Variants in HIP1 observed in about 807,000 individuals in gnomAD.
The protein encoded by HIP1 is huntingtin interacting protein 1.
A neutral mutation model predicts 147.6 loss-of-function variants in HIP1; 65 were observed. The ratio of observed to expected loss-of-function variants is 0.44; its 90% CI spans 0.36 to 0.54. The LOEUF is 0.54. HIP1 is among the 20% of genes least tolerant of loss of function. The pLI, the probability that HIP1 is intolerant of heterozygous loss-of-function variation, is 0.00. For synonymous variants in HIP1, 479 were observed against 504.0 expected, an observed-to-expected ratio of 0.95 and a Z score of 0.67; for missense variants, 1,061 against 1,299.6, an observed-to-expected ratio of 0.82 and a Z score of 2.82.
chr7:75,659,794 A>G (rs1304839295), intron 1 of HIP1, among the ~76,000 whole-genome samples: 2 of 152,162 alleles, frequency 1.3e-5, no homozygotes, highest in African/African-American at 4.8e-5. Flanking sequence ...GGTACCCACC[A>G]TATGCGAGCA....
In HIP1 at chr7:75,553,996, C is replaced by T. The variant is rs587677412; in HGVS notation, c.2158+117G>A. ...CCGACCTCAAGTGATCTGCCCGCCT[C>T]AGCCTCCCAAAGTGCTGGAGTTACA... On this transcript the variant is annotated intron_variant, in intron 21 of 30. Coordinates refer to ENST00000336926, the MANE Select transcript of HIP1 (RefSeq NM_005338.7). 57 of 702,664 alleles carry T rather than the reference C, an allele frequency of 8.1e-5. No homozygotes were observed. The Middle Eastern group carries it at 1.2e-3, about 14-fold the overall frequency. 43.5% of individuals were successfully genotyped at this position (702,664 alleles called of 1,614,324 possible).
At chr7:75,580,903 G>A (rs782187507) in intron 7 of HIP1, among the ~76,000 whole-genome samples, 9 of 152,160 alleles carry the variant, frequency 5.9e-5, no homozygotes, top group African/African-American at 1.7e-4. Flanking sequence ...CACCATGCCC[G>A]GCTAATTTTT....
At chr7:75,664,836 G>C (rs1554514464) in intron 1 of HIP1, among the ~76,000 whole-genome samples, 1 of 152,108 alleles carries the variant, frequency 6.6e-6, no homozygotes. Flanking sequence ...GGCCAGGCTG[G>C]TCTTGAACTC....
chr7:75,549,876 A>G (rs1257824201), intron 22 of HIP1, among the ~76,000 whole-genome samples: 1 of 145,282 alleles, frequency 6.9e-6, no homozygotes, highest in Non-Finnish European at 1.5e-5. Context: ...GGGTCTCACT[A>G]TGTTGCCCAG....
intron 1 of HIP1, among the ~76,000 whole-genome samples, chr7:75,700,709 CTT>C (rs879958028): frequency 6.9e-6 from 1 of 144,634 alleles, no homozygotes. Flanking sequence ...CAGGTGAACA[CTT>C]TTTTTTTTTT....
rs782682712 is a variant in HIP1 at position 75,553,581 on chromosome 7, C to T, written c.2167G>A (p.Glu723Lys). The T allele has an allele frequency of 2.2e-5, 35 of 1,613,654 alleles. No homozygotes were observed. The highest frequency in any genetic ancestry group is 5.3e-5 in the African/African-American group (4 of 74,898). Residue 723 changes from glutamate (E) to lysine (K), a missense_variant, in exon 22 of 31, where the codon GAG becomes AAG. By Grantham distance (56) the Glu-to-Lys change is moderately conservative. This residue lies in a region of HIP1 where 810 missense variants were observed against 946.8 expected (regional missense o/e 0.86). Transcript: ENST00000336926. Reference protein sequence around the residue: ...APPEPADSLTEACKQYGRETL... With the variant: ...APPEPADSLTKACKQYGRETL... The stretch of plus-strand genomic sequence containing the variant: ...TCCCTGCCATACTGCTTACAGGCCT[C>T]GGTCAGTGCTGGAGATACAAGGCAA...
At chr7:75,710,359 C>A (rs934196240) in intron 1 of HIP1, among the ~76,000 whole-genome samples, 14 of 152,010 alleles carry the variant, frequency 9.2e-5, no homozygotes, top group African/African-American at 3.4e-4. Context: ...GGCAATAAAC[C>A]CTACTTGGTC....
At chr7:75,541,850 A>G (rs1794332979) in intron 29 of HIP1, 69 bp downstream of exon 29, 3 of 1,171,666 alleles carry the variant, frequency 2.6e-6, no homozygotes, top group South Asian at 2.4e-5. Context: ...GCTTTTCTCC[A>G]TGGGAATAAT....
chr7:75,557,547 T>A, intron 16 of HIP1, 107 bp downstream of exon 16: 2 of 804,696 alleles, frequency 2.5e-6, no homozygotes, highest in South Asian at 2.8e-5. Context: ...TGCTGTGTGA[T>A]GCCAACCGAC....
At chr7:75,562,570 T>A (rs181505230) in intron 11 of HIP1, among the ~76,000 whole-genome samples, 63 of 152,304 alleles carry the variant, frequency 4.1e-4, no homozygotes, top group African/African-American at 1.4e-3. Flanking sequence ...CCTCCCAGGC[T>A]CAAGTGATCC....
At chr7:75,664,286 ATATATG>A (rs1799464388) in intron 1 of HIP1, among the ~76,000 whole-genome samples, 1 of 53,554 alleles carries the variant, frequency 1.9e-5, no homozygotes, top group Admixed American at 1.7e-4. Flanking sequence ...ATATACACAC[ATATATG>A]TATGTATATA....
rs1554492679 is a variant in HIP1, at chr7:75,554,100, C to T, written c.2158+13G>A. The T allele has an allele frequency of 4.4e-6, 7 of 1,603,980 alleles. No homozygotes were observed. In the Admixed American group the frequency reaches 8.3e-5, roughly 19 times the overall value. ...CCTGGTCCATGAACAGCCCCTCATG[C>T]CCCGGTACTCACAGTCGGCAGGCTC... On this transcript the variant is annotated intron_variant, in intron 21 of 30. Transcript: ENST00000336926.
intron 1 of HIP1, among the ~76,000 whole-genome samples, chr7:75,608,517 G>A (rs1797310514): frequency 6.6e-6 from 1 of 152,138 alleles, no homozygotes; most frequent in Non-Finnish European, 1.5e-5. Flanking sequence ...AAACTAACAA[G>A]CTGGACCATT....
At chr7:75,653,543 A>T (rs1403109478) in intron 1 of HIP1, among the ~76,000 whole-genome samples, 1 of 151,868 alleles carries the variant, frequency 6.6e-6, no homozygotes, top group Non-Finnish European at 1.5e-5. Flanking sequence ...AGTACCAGCT[A>T]ATCAGGAGGC....
chr7:75,633,176 C>A (rs1554509184), intron 1 of HIP1, among the ~76,000 whole-genome samples: 2 of 152,168 alleles, frequency 1.3e-5, no homozygotes. Flanking sequence ...ATACATTTTA[C>A]AGGGCCACCC....
intron 1 of HIP1, among the ~76,000 whole-genome samples, chr7:75,680,156 C>T (rs998008591): frequency 6.6e-6 from 1 of 152,280 alleles, no homozygotes; most frequent in East Asian, 1.9e-4. Flanking sequence ...AATTCTCGTG[C>T]CTCAGCCTCC....
chr7:75,669,903 G>C (rs191115448), intron 1 of HIP1, among the ~76,000 whole-genome samples: 1 of 152,254 alleles, frequency 6.6e-6, no homozygotes, highest in Admixed American at 6.6e-5. Flanking sequence ...CTGGGTTCAA[G>C]TGAGTCTCCT....
At chr7:75,602,494 CTTTTTTTTTTTTTTTTT>C (rs60265858) in intron 1 of HIP1, among the ~76,000 whole-genome samples, 2 of 71,482 alleles carry the variant, frequency 2.8e-5, no homozygotes, top group Non-Finnish European at 4.7e-5. Context: ...CAGATATGCT[CTTTTTTTTTTTTTTTTT>C]TTTTTTTTTT....
rs142823055 is a variant in HIP1 at position 75,684,293 on chromosome 7, A to G, written c.120+54508T>C. Among the ~76,000 whole-genome samples, 1,084 of 151,494 alleles carry G rather than the reference A, an allele frequency of 7.2e-3. 10 individuals are homozygous for G. The highest frequency in any genetic ancestry group is 8.1e-3 in the Non-Finnish European group (551 of 67,828). On this transcript the variant is annotated intron_variant, in intron 1 of 30. Transcript: ENST00000336926. ...GAAACCGTGTCTCTACTAAAAACAC[A>G]AAAAATTAGCCAGGTGTGGTGGCGC...
Sources: gnomAD v4.1 joint callset for allele counts (sites outside exome capture counted in the v4.1 genomes callset) on GRCh38, gnomAD v4.1.1 for gene constraint, gnomAD v4.1.1 regional missense constraint, MANE v1.5 for transcripts, NCBI Gene and HGNC (gene_info 2026-07-23, HGNC 2026-07-21) for gene names.